Variants in HELZ observed in about 807,000 individuals in gnomAD.
HELZ encodes ATP-dependent RNA helicase with zinc finger domain.
HELZ carries 23 observed loss-of-function variants against 218.2 expected under a neutral mutation model. The ratio of observed to expected loss-of-function variants is 0.11; its 90% CI spans 0.08 to 0.15. The LOEUF (loss-of-function observed/expected upper bound fraction) is 0.15. Ranked by LOEUF, HELZ falls within the 10% of genes least tolerant of loss-of-function variation. HELZ has a pLI of 1.00. For synonymous variants in HELZ, 814 were observed against 829.4 expected (o/e 0.98, Z 0.32); for missense variants, 1,813 against 2,353.7 (o/e 0.77, Z 4.75).
Position 67,178,933 on chromosome 17 carries a change from G to A in HELZ, c.1163-7C>T. Reference sequence around the variant, plus strand: ...TGCATCAGGTATTCGAGATCTAAATGGAAACAAAAAACACATTTATAAAGA... The same window carrying A: ...TGCATCAGGTATTCGAGATCTAAATAGAAACAAAAAACACATTTATAAAGA... On this transcript the variant is annotated splice_region_variant and splice_polypyrimidine_tract_variant and intron_variant, in intron 12 of 32. Transcript: ENST00000358691. 21 of 1,552,264 alleles carry A rather than the reference G, an allele frequency of 1.4e-5. No individual in the cohort carries two copies. Among genetic ancestry groups the A allele is most frequent in the Admixed American group, 5.9e-5 (3 of 51,000 alleles).
chr17:67,116,133 T>C (rs995738382), intron 27 of HELZ, among the ~76,000 whole-genome samples: 1 of 151,578 alleles, frequency 6.6e-6, no homozygotes, highest in African/African-American at 2.4e-5. Context: ...ATTTATACTA[T>C]AAACCCTAAA....
chr17:67,208,465 T>C (rs1166080082), intron 5 of HELZ, among the ~76,000 whole-genome samples: 1 of 152,144 alleles, frequency 6.6e-6, no homozygotes, highest in Non-Finnish European at 1.5e-5. Context: ...TGGGGGAAAG[T>C]AGGTGAAGGG....
rs542229766 is a variant in HELZ at position 67,073,335 on chromosome 17, C to T, written c.*4917G>A. ...TAGAAACAGTTAAAAAGACTCCCCA[C>T]GAACATAATGAAAATTTCATAATAT... On this transcript the variant is annotated 3_prime_UTR_variant, in exon 33 of 33. Coordinates refer to ENST00000358691, the MANE Select transcript of HELZ (RefSeq NM_014877.4). The T allele has an allele frequency of 2.0e-5, 3 of 152,606 alleles. No homozygotes were observed. The highest frequency in any genetic ancestry group is 2.1e-4 in the South Asian group (1 of 4,822). The allele number at this position is 152,606 out of a possible 1,614,324, so 9.5% of individuals were successfully genotyped here.
intron 27 of HELZ, among the ~76,000 whole-genome samples, chr17:67,118,692 C>CAAAAAAAAAA (rs142101119): frequency 8.9e-5 from 4 of 44,916 alleles, no homozygotes; most frequent in Admixed American, 4.0e-4. Context: ...CTTTAAAAGG[C>CAAAAAAAAAA]AAAAAAAAAA....
chr17:67,123,239 G>A, intron 25 of HELZ, 79 bp from the exon 26 acceptor site: 3 of 763,836 alleles, frequency 3.9e-6, no homozygotes, highest in East Asian at 2.9e-5. Context: ...TCATTCAACA[G>A]CAAAATATAT....
At chr17:67,107,950 G>T (rs2037159890) in intron 30 of HELZ, among the ~76,000 whole-genome samples, 2 of 152,156 alleles carry the variant, frequency 1.3e-5, no homozygotes. Flanking sequence ...ACAACTGGAA[G>T]TTATAAAAGG....
At chr17:67,232,555 G>A (rs916796433) in intron 3 of HELZ, among the ~76,000 whole-genome samples, 4 of 152,128 alleles carry the variant, frequency 2.6e-5, no homozygotes, top group African/African-American at 7.2e-5. Flanking sequence ...ACAAAATTGC[G>A]GCAGCATAGG....
chr17:67,191,742 A>T (rs1318704667), intron 9 of HELZ, among the ~76,000 whole-genome samples: 1 of 148,124 alleles, frequency 6.8e-6, no homozygotes, highest in African/African-American at 2.5e-5. Context: ...ATGAGTCACC[A>T]TGCCCGGCCC....
chr17:67,082,857 T>TG lies in HELZ; in HGVS notation c.5494+3971_5494+3972insC, dbSNP rs929631372. On this transcript the variant is annotated intron_variant, in intron 32 of 32. Transcript: ENST00000358691. ...TAATTAGTTTTAACTGTTTTTTTTT[T>TG]TTGTTTTTTTTTTTTTTGAGATGGA... Among the ~76,000 whole-genome samples the TG allele has an allele frequency of 3.9e-3, 588 of 149,246 alleles. 3 individuals carry two copies. The highest frequency in any genetic ancestry group is 5.9e-3 in the South Asian group (28 of 4,774).
At chr17:67,173,886 T>G (rs986977722) in intron 13 of HELZ, among the ~76,000 whole-genome samples, 1 of 152,232 alleles carries the variant, frequency 6.6e-6, no homozygotes, top group Admixed American at 6.5e-5. Context: ...TCATGCCAGC[T>G]GTTAGCACTG....
intron 3 of HELZ, among the ~76,000 whole-genome samples, chr17:67,232,342 C>T (rs753003777): frequency 5.9e-5 from 9 of 152,160 alleles, no homozygotes; most frequent in South Asian, 2.1e-4. Flanking sequence ...TTAGTAGAGA[C>T]GGGGTTTCAC....
In HELZ at chr17:67,077,162, A is replaced by G. The variant is rs2036038589; in HGVS notation, c.*1090T>C. 2 of 152,626 alleles carry G rather than the reference A, an allele frequency of 1.3e-5. No individual in the cohort carries two copies. The highest frequency in any genetic ancestry group is 6.5e-5 in the Admixed American group (1 of 15,278). 9.5% of individuals were successfully genotyped at this position (152,626 alleles called of 1,614,324 possible). On this transcript the variant is annotated 3_prime_UTR_variant, in exon 33 of 33. Transcript: ENST00000358691. The stretch of plus-strand genomic sequence containing the variant: ...GCCCCAGATTCTGATGAATTTTGAT[A>G]CATTTTTGACAAACATTATATTTCT...
intron 5 of HELZ, 21 bp downstream of exon 5, chr17:67,215,878 G>A (rs764122430): frequency 3.2e-5 from 47 of 1,483,402 alleles, no homozygotes; most frequent in Non-Finnish European, 4.1e-5. Context: ...TCAATAATTC[G>A]AGTCTCATTT....
intron 31 of HELZ, among the ~76,000 whole-genome samples, chr17:67,088,799 T>G (rs1007682246): frequency 3.9e-5 from 6 of 152,256 alleles, no homozygotes; most frequent in Non-Finnish European, 4.4e-5. Flanking sequence ...TGAATTTGAT[T>G]TGGTTTTCTA....
intron 4 of HELZ, among the ~76,000 whole-genome samples, chr17:67,218,231 C>T (rs202076903): frequency 0.2 from 29,650 of 149,492 alleles, 2,966 homozygotes; most frequent in African/African-American, 0.27. Context: ...CACGCCCAGC[C>T]GGTGTTTATT....
intron 11 of HELZ, among the ~76,000 whole-genome samples, chr17:67,189,055 C>CA (rs1170012165): frequency 1.3e-5 from 2 of 152,054 alleles, no homozygotes; most frequent in Non-Finnish European, 2.9e-5. Flanking sequence ...AGAAATGCCA[C>CA]AAAAAAGACA....
rs971579569 is a variant in HELZ, at chr17:67,107,185, A to G, written c.5225T>C (p.Leu1742Pro). Residue 1742 changes from leucine (L) to proline (P), a missense_variant, in exon 31 of 33, where the codon CTC becomes CCC. By Grantham distance (98) the Leu-to-Pro change is moderately conservative. Transcript: ENST00000358691. ...LSSRTVSSSS[L>P]PSLEEYEPRG... Reference sequence around the variant, plus strand: ...GACATTTACCTCTTCTAAGCTAGGGAGCGAAGAAGAAGATACTGTTCGAGA... The same window carrying G: ...GACATTTACCTCTTCTAAGCTAGGGGGCGAAGAAGAAGATACTGTTCGAGA... 1.9e-6 allele frequency: 3 copies of G among 1,612,940 alleles called. No homozygotes were observed. The South Asian group carries it at 3.3e-5, about 18-fold the overall frequency.
chr17:67,225,993 G>A (rs184373912), intron 3 of HELZ, among the ~76,000 whole-genome samples: 20 of 152,138 alleles, frequency 1.3e-4, no homozygotes, highest in African/African-American at 4.8e-4. Flanking sequence ...CGGGCGTGGT[G>A]GCTCACACCT....
At chr17:67,091,545 C>G (rs2036574658) in intron 31 of HELZ, among the ~76,000 whole-genome samples, 1 of 152,150 alleles carries the variant, frequency 6.6e-6, no homozygotes, top group Non-Finnish European at 1.5e-5. Context: ...CTGCTAAAAT[C>G]TGAAAGGTTG....
Sources: allele counts gnomAD v4.1 joint callset (sites outside exome capture counted in the v4.1 genomes callset), GRCh38; gene constraint gnomAD v4.1.1; transcripts MANE v1.5; gene names NCBI Gene and HGNC (gene_info 2026-07-23, HGNC 2026-07-21).